Variants in PIEZO2 observed in about 807,000 individuals in gnomAD.
PIEZO2 encodes the protein piezo-type mechanosensitive ion channel component 2.
PIEZO2 carries 172 observed loss-of-function variants against 337.3 expected under a neutral mutation model. That is an observed-to-expected ratio of 0.51 (90% CI 0.45 to 0.58). The LOEUF is 0.58. Ranked by LOEUF, PIEZO2 falls within the 20% of genes least tolerant of loss-of-function variation. The probability of loss-of-function intolerance (pLI) is 0.00; values close to 1 mark genes in which losing one functional copy is unlikely to be tolerated. For missense variants in PIEZO2, 3,028 were observed against 3,391.3 expected, an observed-to-expected ratio of 0.89 and a Z score of 2.66; for synonymous variants, 1,251 against 1,228.5, an observed-to-expected ratio of 1.02 and a Z score of -0.38.
intron 1 of PIEZO2, among the ~76,000 whole-genome samples, chr18:11,072,763 T>C (rs1000097806): frequency 1.3e-5 from 2 of 152,184 alleles, no homozygotes; most frequent in Non-Finnish European, 2.9e-5. Context: ...CTTCAAGAAG[T>C]GCATGACCTC....
chr18:10,994,901 G>A (rs2035251726), intron 2 of PIEZO2, among the ~76,000 whole-genome samples: 1 of 151,550 alleles, frequency 6.6e-6, no homozygotes, highest in Non-Finnish European at 1.5e-5. Flanking sequence ...GGCCAACAAG[G>A]TGAAACCCTG....
chr18:10,971,820 T>C (rs1317866793), intron 3 of PIEZO2, among the ~76,000 whole-genome samples: 1 of 152,112 alleles, frequency 6.6e-6, no homozygotes, highest in African/African-American at 2.4e-5. Flanking sequence ...TGTATGAAGG[T>C]GCAGGGTGTA....
chr18:11,011,718 T>C (rs975347004), intron 2 of PIEZO2, among the ~76,000 whole-genome samples: 3 of 152,328 alleles, frequency 2.0e-5, no homozygotes, highest in East Asian at 1.9e-4. Flanking sequence ...ACCCATTCCA[T>C]TGCCTTAGAG....
At chr18:10,734,017 T>A (rs2036895110) in intron 35 of PIEZO2, among the ~76,000 whole-genome samples, 1 of 152,254 alleles carries the variant, frequency 6.6e-6, no homozygotes, top group Non-Finnish European at 1.5e-5. Flanking sequence ...GGGAGAGCTT[T>A]ATCAAAGTGG....
At chr18:11,057,357 T>C (rs113408331) in intron 2 of PIEZO2, among the ~76,000 whole-genome samples, 7 of 152,356 alleles carry the variant, frequency 4.6e-5, no homozygotes, top group South Asian at 2.1e-4. Flanking sequence ...CCTTATCTAC[T>C]GAGGTAATTA....
rs1246363704 is a variant in PIEZO2 at position 11,009,300 on chromosome 18, G to T, written c.161-29640C>A. ...CCTGATGTGCATTGAAGCCCCTTGG[G>T]AATCTTTAAGAATAGGATGGATGTC... On this transcript the variant is annotated intron_variant, in intron 2 of 55. Coordinates refer to ENST00000674853, the MANE Select transcript of PIEZO2 (RefSeq NM_001378183.1). The surrounding 1 kb of genome is among the most constrained non-coding windows in gnomAD (Gnocchi z 4.6). 6.6e-6 allele frequency among the ~76,000 whole-genome samples: 1 copy of T among 152,192 alleles called. No individual in the cohort carries two copies. Among genetic ancestry groups the T allele is most frequent in the Non-Finnish European group, 1.5e-5 (1 of 68,026 alleles).
intron 35 of PIEZO2, among the ~76,000 whole-genome samples, chr18:10,732,105 G>A (rs1320638680): frequency 6.6e-6 from 1 of 152,150 alleles, no homozygotes; most frequent in African/African-American, 2.4e-5. Context: ...AAACTGTGGG[G>A]CTTTTGGTTG....
rs1297911343 is a variant in PIEZO2 at position 10,807,312 on chromosome 18, T to C, written c.918-38A>G. The stretch of plus-strand genomic sequence containing the variant: ...AAAGAAAAATGCTTAAAAGATGCAA[T>C]AAGCTATATGTCTCCAACATTGAAT... On this transcript the variant is annotated intron_variant, in intron 7 of 55. Coordinates refer to ENST00000674853, the MANE Select transcript of PIEZO2 (RefSeq NM_001378183.1). 2.6e-6 allele frequency: 4 copies of C among 1,513,962 alleles called. No homozygotes were observed. The Admixed American group carries it at 8.0e-5, about 30-fold the overall frequency. 93.8% of individuals were successfully genotyped at this position (1,513,962 alleles called of 1,614,324 possible). A position where few individuals can be genotyped will look rare whatever the true frequency, so the allele number is the denominator to read the frequency against.
rs767592195 is a variant in PIEZO2, at chr18:10,861,320, TAAA to T, written c.493-4112_493-4110del. ...AAGACAAAATAAACTCTTTACAGTTTAAAAAGTCAAATAAATGATTATACAGAT... is the reference window on the plus strand; with the variant it reads ...AAGACAAAATAAACTCTTTACAGTTTAAGTCAAATAAATGATTATACAGAT... On this transcript the variant is annotated intron_variant, in intron 5 of 55. Coordinates refer to ENST00000674853, the MANE Select transcript of PIEZO2 (RefSeq NM_001378183.1). The surrounding 1 kb of genome is among the most constrained non-coding windows in gnomAD (Gnocchi z 4.3). 2.6e-5 allele frequency among the ~76,000 whole-genome samples: 4 copies of T among 152,324 alleles called. No individual in the cohort carries two copies. The highest frequency in any genetic ancestry group is 5.9e-5 in the Non-Finnish European group (4 of 68,026).
chr18:10,741,616 G>A (rs986841701), intron 32 of PIEZO2, among the ~76,000 whole-genome samples: 3 of 152,128 alleles, frequency 2.0e-5, no homozygotes, highest in Non-Finnish European at 4.4e-5. Flanking sequence ...TTCACATAGA[G>A]AAGCATGCAA....
Position 10,733,823 on chromosome 18 carries a change from G to C in PIEZO2, c.4914+1409C>G, listed in dbSNP as rs189446774. On this transcript the variant is annotated intron_variant, in intron 35 of 55. Coordinates refer to ENST00000674853, the MANE Select transcript of PIEZO2 (RefSeq NM_001378183.1). Reference sequence around the variant, plus strand: ...CGCCTCTCTGGAAAATCAGACACAAGCTCCATGAACCAGGAGTAGAAAAAT... The same window carrying C: ...CGCCTCTCTGGAAAATCAGACACAACCTCCATGAACCAGGAGTAGAAAAAT... 3.3e-3 allele frequency among the ~76,000 whole-genome samples: 504 copies of C among 152,282 alleles called. 4 individuals are homozygous for C. The highest frequency in any genetic ancestry group is 0.012 in the African/African-American group (483 of 41,562).
At position 10,784,175 on chromosome 18, in the gene PIEZO2, T is replaced by C. The variant is rs1379952093; in HGVS notation, c.2492+609A>G. Among the ~76,000 whole-genome samples the C allele has an allele frequency of 2.0e-5, 3 of 152,230 alleles. No individual in the cohort carries two copies. Among genetic ancestry groups the C allele is most frequent in the African/African-American group, 7.2e-5 (3 of 41,462 alleles). On this transcript the variant is annotated intron_variant, in intron 17 of 55. Coordinates refer to ENST00000674853, the MANE Select transcript of PIEZO2 (RefSeq NM_001378183.1). This position sits in a 1 kb window ranked among gnomAD's most constrained non-coding sequence, Gnocchi z 4.5. ...GATAACCCATTGTGGTTTGAATAAA[T>C]ACGGGCAGGAAAAGTAATATCCCAT...
At position 10,740,777 on chromosome 18, in the gene PIEZO2, A is replaced by C. The variant is rs1365594840; in HGVS notation, c.4708+254T>G. The stretch of plus-strand genomic sequence containing the variant: ...TCTGAGCCCATAAATTATGCCCTAG[A>C]GTCTATAAGCCACGTGTTTGGCTTT... On this transcript the variant is annotated intron_variant, in intron 33 of 55. Coordinates refer to ENST00000674853, the MANE Select transcript of PIEZO2 (RefSeq NM_001378183.1). 6.4e-6 allele frequency: 4 copies of C among 624,670 alleles called. No homozygotes were observed. In the Admixed American group the frequency reaches 7.6e-5, roughly 12 times the overall value. 38.7% of individuals were successfully genotyped at this position (624,670 alleles called of 1,614,324 possible).
rs1378638125 is a variant in PIEZO2, at chr18:10,716,686, A to G, written c.5090-870T>C. ...TCACATCCTTTATAAAATCTCAAGCAAGGTATGTATTTCTCACAATCATTC... is the reference window on the plus strand; with the variant it reads ...TCACATCCTTTATAAAATCTCAAGCGAGGTATGTATTTCTCACAATCATTC... On this transcript the variant is annotated intron_variant, in intron 37 of 55. Coordinates refer to ENST00000674853, the MANE Select transcript of PIEZO2 (RefSeq NM_001378183.1). This position sits in a 1 kb window ranked among gnomAD's most constrained non-coding sequence, Gnocchi z 4.1. 6.6e-6 allele frequency among the ~76,000 whole-genome samples: 1 copy of G among 152,174 alleles called. No individual in the cohort carries two copies. The highest frequency in any genetic ancestry group is 2.4e-5 in the African/African-American group (1 of 41,440).
chr18:10,936,678 C>T (rs564170401), intron 3 of PIEZO2, among the ~76,000 whole-genome samples: 1 of 152,298 alleles, frequency 6.6e-6, no homozygotes, highest in South Asian at 2.1e-4. Context: ...AGGAAGGAAA[C>T]AGTCAGATGT....
chr18:10,691,655 A>G (rs1164411396), intron 47 of PIEZO2, among the ~76,000 whole-genome samples: 1 of 151,528 alleles, frequency 6.6e-6, no homozygotes, highest in Non-Finnish European at 1.5e-5. Flanking sequence ...AAGTGAATTT[A>G]CTGATAAATA....
intron 27 of PIEZO2, among the ~76,000 whole-genome samples, chr18:10,755,511 G>A (rs1379979431): frequency 4.6e-5 from 7 of 152,212 alleles, no homozygotes; most frequent in African/African-American, 1.4e-4. Context: ...TGACTGCAGA[G>A]GCACAGTGGG....
intron 3 of PIEZO2, among the ~76,000 whole-genome samples, chr18:10,930,139 T>A (rs774262114): frequency 6.6e-6 from 1 of 152,236 alleles, no homozygotes; most frequent in African/African-American, 2.4e-5. Context: ...TCACATATCT[T>A]GAAATGGCCC....
In PIEZO2 at chr18:10,866,443, A is replaced by G. The variant is rs531176072; in HGVS notation, c.492+4810T>C. On this transcript the variant is annotated intron_variant, in intron 5 of 55. Transcript: ENST00000674853. ...TGGGACTACAGGCACCCGCCACCAC[A>G]CCTGGCTAATTTTTTGTATTTTTAG... Among the ~76,000 whole-genome samples the G allele has an allele frequency of 3.8e-3, 581 of 151,996 alleles. 3 individuals are homozygous for G. Among genetic ancestry groups the G allele is most frequent in the Non-Finnish European group, 6.2e-3 (419 of 67,930 alleles).
Sources: allele counts gnomAD v4.1 joint callset (sites outside exome capture counted in the v4.1 genomes callset), GRCh38; gene constraint gnomAD v4.1.1; non-coding constraint Gnocchi (gnomAD v3.1); transcripts MANE v1.5; gene names NCBI Gene and HGNC (gene_info 2026-07-23, HGNC 2026-07-21).